The following NELFA variants were observed in gnomAD, a reference collection of about 807,000 sequenced individuals.
NELFA encodes negative elongation factor A.
Under a neutral mutation model 51.8 loss-of-function variants are expected in NELFA, and 35 were observed. The observed-to-expected ratio is 0.68, with a 90% CI of 0.52 to 0.90. The LOEUF is 0.90. Ranked by LOEUF, NELFA falls within the 40% of genes least tolerant of loss-of-function variation. The pLI, the probability that NELFA is intolerant of heterozygous loss-of-function variation, is 0.00. For missense variants in NELFA, 658 were observed against 746.4 expected (o/e 0.88, Z 1.38); for synonymous variants, 417 against 338.4 (o/e 1.23, Z -2.55).
intron 8 of NELFA, 138 bp downstream of exon 8, chr4:1,984,670 C>G (rs894187358): frequency 4.7e-6 from 3 of 642,808 alleles, no homozygotes; most frequent in Non-Finnish European, 8.0e-6. Flanking sequence ...GGCATCTGCC[C>G]CCAGCAGATT....
intron 1 of NELFA, among the ~76,000 whole-genome samples, chr4:1,995,773 G>A (rs551936995): frequency 6.6e-6 from 1 of 152,220 alleles, no homozygotes; most frequent in African/African-American, 2.4e-5. Context: ...ACACTTGGAT[G>A]CACCTAATAA....
At chr4:1,996,517 G>A (rs1728427699) in intron 1 of NELFA, among the ~76,000 whole-genome samples, 1 of 152,174 alleles carries the variant, frequency 6.6e-6, no homozygotes, top group Admixed American at 6.5e-5. Flanking sequence ...AGAAATCCAA[G>A]TTCAACAAAG....
chr4:1,983,536 T>G, intron 10 of NELFA, 33 bp from the exon 11 acceptor site: 1 of 1,612,064 alleles, frequency 6.2e-7, no homozygotes, highest in African/African-American at 1.3e-5. Context: ...GGTGGGTGTC[T>G]GGGGGCACCC....
chr4:1,994,347 T>C (rs1295254478), intron 1 of NELFA, among the ~76,000 whole-genome samples: 3 of 151,706 alleles, frequency 2.0e-5, no homozygotes, highest in Non-Finnish European at 2.9e-5. Context: ...GGTGGATCAC[T>C]TGAGGTCAGG....
chr4:2,001,629 G>A (rs961326578), intron 1 of NELFA, among the ~76,000 whole-genome samples: 1 of 152,224 alleles, frequency 6.6e-6, no homozygotes, highest in Admixed American at 6.5e-5. Flanking sequence ...GGGGCCGGGT[G>A]CAGTGGCTCA....
intron 1 of NELFA, among the ~76,000 whole-genome samples, chr4:2,005,648 C>T (rs752076607): frequency 2.0e-5 from 3 of 152,026 alleles, no homozygotes; most frequent in Admixed American, 6.6e-5. Flanking sequence ...GCTGAGATCG[C>T]GCCACTGCTC....
At chr4:1,986,460 C>T (rs1052710847) in intron 4 of NELFA, 58 bp from the exon 5 acceptor site, 4 of 1,596,656 alleles carry the variant, frequency 2.5e-6, no homozygotes, top group Non-Finnish European at 3.4e-6. Flanking sequence ...GTCCCCCACC[C>T]CGAGCTCAGA....
intron 1 of NELFA, among the ~76,000 whole-genome samples, chr4:1,994,128 A>G (rs1728358956): frequency 6.6e-6 from 1 of 152,118 alleles, no homozygotes; most frequent in Non-Finnish European, 1.5e-5. Flanking sequence ...GGCCGGGTAT[A>G]GTGGCTCACG....
chr4:1,983,029 T>G lies in NELFA; in HGVS notation c.*290A>C. 1 of 302,174 alleles carries G rather than the reference T, an allele frequency of 3.3e-6. No individual in the cohort carries two copies. The highest frequency in any genetic ancestry group is 6.0e-6 in the Non-Finnish European group (1 of 165,386). 18.7% of individuals were successfully genotyped at this position (302,174 alleles called of 1,614,324 possible). A position where few individuals can be genotyped will look rare whatever the true frequency, so the allele number is the denominator to read the frequency against. On this transcript the variant is annotated 3_prime_UTR_variant, in exon 11 of 11. Coordinates refer to ENST00000382882, the MANE Select transcript of NELFA (RefSeq NM_005663.5). The stretch of plus-strand genomic sequence containing the variant: ...CTAACAGGCAGAGCTGTCACTAAAA[T>G]TAGGAAGTTGTAACTTTTTTGGTTA...
chr4:1,993,859 G>C (rs929600672), intron 1 of NELFA, among the ~76,000 whole-genome samples: 2 of 148,272 alleles, frequency 1.3e-5, no homozygotes, highest in African/African-American at 2.5e-5. Flanking sequence ...GGAGTGCAAT[G>C]GCAGGATCTC....
At chr4:1,993,599 G>GAAAGAA (rs1006360096) in intron 1 of NELFA, among the ~76,000 whole-genome samples, 6 of 150,676 alleles carry the variant, frequency 4.0e-5, no homozygotes, top group Non-Finnish European at 8.9e-5. Context: ...AAGAAAGAAA[G>GAAAGAA]AAAGAAAAAG....
At chr4:2,001,133 G>A (rs1368149610) in intron 1 of NELFA, among the ~76,000 whole-genome samples, 1 of 152,156 alleles carries the variant, frequency 6.6e-6, no homozygotes. Flanking sequence ...AGGTATTAAT[G>A]GAACGTATCT....
At chr4:2,008,023 C>T (rs764657768) in intron 1 of NELFA, 1 of 456,874 alleles carries the variant, frequency 2.2e-6, no homozygotes, top group Non-Finnish European at 4.4e-6. Context: ...AAAACGGACA[C>T]AGAGCGCTCC....
At chr4:1,987,760 GA>G in intron 4 of NELFA, 157 bp downstream of exon 4, 1 of 613,696 alleles carries the variant, frequency 1.6e-6, no homozygotes, top group Non-Finnish European at 2.8e-6. Flanking sequence ...AGAAGCCGGT[GA>G]AATTGCCCCA....
In NELFA at chr4:2,008,945, C is replaced by G; in HGVS notation, c.15G>C (p.Arg5=). The G allele has an allele frequency of 6.4e-7, 1 of 1,562,102 alleles. No homozygotes were observed. The highest frequency in any genetic ancestry group is 8.7e-7 in the Non-Finnish European group (1 of 1,153,078). The change falls in exon 1 of 11, where the codon CGG becomes CGC. Residue 5 remains arginine (R), a synonymous_variant. Transcript: ENST00000382882. ...GCAGCCACAGGCCCGTGTCGCTCTC[C>G]CGCATGGACGCCATCTTGGGGGAAA... MASM[R]ESDTGLWLHN...
Position 1,989,572 on chromosome 4 carries a change from G to GTA in NELFA, c.544+135_544+136insTA. 2 of 940,384 alleles carry GTA rather than the reference G, an allele frequency of 2.1e-6. No homozygotes were observed. Among genetic ancestry groups the GTA allele is most frequent in the Admixed American group, 4.9e-5 (2 of 40,654 alleles). The allele number at this position is 940,384 out of a possible 1,614,324, so 58.3% of individuals were successfully genotyped here. ...GGGCTCAAACGACCCACCTGCCCCAGCCTCCCAACAGGTGTGAGCCACCAT... is the reference window on the plus strand; with the variant it reads ...GGGCTCAAACGACCCACCTGCCCCAGTACCTCCCAACAGGTGTGAGCCACCAT... On this transcript the variant is annotated intron_variant, in intron 3 of 10. Coordinates refer to ENST00000382882, the MANE Select transcript of NELFA (RefSeq NM_005663.5). The surrounding 1 kb of genome is among the most constrained non-coding windows in gnomAD (Gnocchi z 4.8).
intron 1 of NELFA, among the ~76,000 whole-genome samples, chr4:2,004,946 C>T (rs1399503910): frequency 6.6e-6 from 1 of 151,390 alleles, no homozygotes; most frequent in Non-Finnish European, 1.5e-5. Flanking sequence ...GCTGGGACTA[C>T]AGGCGCCTGC....
intron 1 of NELFA, among the ~76,000 whole-genome samples, chr4:1,999,116 A>G (rs1171138016): frequency 6.6e-6 from 1 of 151,988 alleles, no homozygotes; most frequent in Non-Finnish European, 1.5e-5. Flanking sequence ...TTTTGTTACC[A>G]CCAGCCCCGC....
rs746328582 is a variant in NELFA, at chr4:1,986,357, G to T, written c.680C>A (p.Thr227Lys). 1.9e-6 allele frequency: 3 copies of T among 1,608,258 alleles called. No homozygotes were observed. The highest frequency in any genetic ancestry group is 2.5e-6 in the Non-Finnish European group (3 of 1,177,734). Reference sequence around the variant, plus strand: ...TGTGGGGCTGAAGACGCTGGGCGCCGTGGGGCTTCTGAAGGGCGCCTGCTT... The same window carrying T: ...TGTGGGGCTGAAGACGCTGGGCGCCTTGGGGCTTCTGAAGGGCGCCTGCTT... ...IPKQAPFRSP[T>K]APSVFSPTGN... is the part of the protein sequence containing the mutation. Residue 227 changes from threonine (T) to lysine (K), a missense_variant, in exon 5 of 11, where the codon ACG (threonine) becomes AAG (lysine). Transcript: ENST00000382882.
Sources: allele counts gnomAD v4.1 joint callset (sites outside exome capture counted in the v4.1 genomes callset), GRCh38; gene constraint gnomAD v4.1.1; non-coding constraint Gnocchi (gnomAD v3.1); transcripts MANE v1.5; gene names NCBI Gene and HGNC (gene_info 2026-07-23, HGNC 2026-07-21).